Variants in POLR2B observed in about 807,000 individuals in gnomAD.
POLR2B encodes the protein DNA-directed RNA polymerase II subunit RPB2.
In POLR2B, 57 loss-of-function variants were observed where a neutral mutation model predicts 144.6. The observed-to-expected ratio is 0.39, with a 90% CI of 0.32 to 0.49. The LOEUF is 0.49. Among genes scored for constraint, POLR2B ranks in the 20% least tolerant of loss-of-function variants. The probability of loss-of-function intolerance (pLI) is 0.83; values close to 1 mark genes in which losing one functional copy is unlikely to be tolerated. For synonymous variants in POLR2B, 442 were observed against 469.8 expected (o/e 0.94, Z 0.77); for missense variants, 595 against 1,467.4 (o/e 0.41, Z 9.71).
rs1722796376 is a variant in POLR2B at position 56,999,647 on chromosome 4, A to G, written c.766A>G (p.Ile256Val). 1 of 1,612,818 alleles carries G rather than the reference A, an allele frequency of 6.2e-7. No homozygotes were observed. Among genetic ancestry groups the G allele is most frequent in the Non-Finnish European group, 8.5e-7 (1 of 1,179,134 alleles). The change falls in exon 7 of 25, where the codon ATT becomes GTT. Residue 256 changes from isoleucine (I) to valine (V), a missense_variant. Ile to Val is a conservative substitution (Grantham distance 29). Coordinates refer to ENST00000314595, the MANE Select transcript of POLR2B (RefSeq NM_000938.3). ...CAAGAAGAGTGCTATTGGTCAGCGC[A>G]TTGTGGCAACTCTACCATATATCAA... ...GAKKSAIGQR[I>V]VATLPYIKQE... is the part of the protein sequence containing the mutation.
At chr4:56,989,847 C>T (rs1390038732) in intron 2 of POLR2B, among the ~76,000 whole-genome samples, 2 of 152,156 alleles carry the variant, frequency 1.3e-5, no homozygotes, top group Non-Finnish European at 2.9e-5. Context: ...GATCCTCTTG[C>T]ACGTGTATCT....
intron 23 of POLR2B, among the ~76,000 whole-genome samples, chr4:57,027,586 C>T (rs577472047): frequency 6.6e-6 from 1 of 152,276 alleles, no homozygotes; most frequent in Admixed American, 6.5e-5. Flanking sequence ...GCTGGGATTA[C>T]AGGCATGAGC....
chr4:57,023,224 G>A lies in POLR2B; in HGVS notation c.2516-106G>A. 2.0e-6 allele frequency: 2 copies of A among 990,890 alleles called. No individual in the cohort carries two copies. Among genetic ancestry groups the A allele is most frequent in the Non-Finnish European group, 3.1e-6 (2 of 649,668 alleles). 61.4% of individuals were successfully genotyped at this position (990,890 alleles called of 1,614,324 possible). A position where few individuals can be genotyped will look rare whatever the true frequency, so the allele number is the denominator to read the frequency against. ...ATTTGGAATAAGGGTGTGATTCATG[G>A]TATAGAGACTCCTGTGGCCTTCTCT... On this transcript the variant is annotated intron_variant, in intron 18 of 24. Coordinates refer to ENST00000314595, the MANE Select transcript of POLR2B (RefSeq NM_000938.3). This position sits in a 1 kb window ranked among gnomAD's most constrained non-coding sequence, Gnocchi z 4.3.
At chr4:57,022,025 TA>T in intron 17 of POLR2B, 126 bp from the exon 18 acceptor site, 1 of 617,708 alleles carries the variant, frequency 1.6e-6, no homozygotes, top group East Asian at 2.8e-5. Context: ...TTAATGCAGT[TA>T]CTCTTGTCCC....
At chr4:57,009,303 A>G (rs28474684) in intron 10 of POLR2B, among the ~76,000 whole-genome samples, 11,396 of 152,200 alleles carry the variant, frequency 0.075, 490 homozygotes, top group African/African-American at 0.088. Flanking sequence ...TTCTGTGGCA[A>G]TAGCATGGTC....
chr4:57,008,322 C>T (rs1261095585), intron 10 of POLR2B, among the ~76,000 whole-genome samples: 1 of 151,960 alleles, frequency 6.6e-6, no homozygotes, highest in East Asian at 1.9e-4. Flanking sequence ...CCTGCCTCAG[C>T]CTCCCGAGTA....
intron 7 of POLR2B, among the ~76,000 whole-genome samples, chr4:57,004,388 C>CTT (rs1329331702): frequency 5.4e-5 from 8 of 147,454 alleles, no homozygotes; most frequent in Non-Finnish European, 1.0e-4. Context: ...AGGGTACACG[C>CTT]TGGATAAAAA....
intron 23 of POLR2B, among the ~76,000 whole-genome samples, chr4:57,026,066 G>C: frequency 6.6e-6 from 1 of 152,076 alleles, no homozygotes; most frequent in South Asian, 2.1e-4. Context: ...GCAAAACACC[G>C]TCTCTACTAA....
At chr4:56,979,235 C>G (rs894408992) in intron 1 of POLR2B, among the ~76,000 whole-genome samples, 1 of 152,132 alleles carries the variant, frequency 6.6e-6, no homozygotes, top group South Asian at 2.1e-4. Context: ...TGCACTTTCT[C>G]GTTCCGTTAG....
chr4:57,005,057 T>C (rs1022613162), intron 7 of POLR2B, among the ~76,000 whole-genome samples, 189 bp from the exon 8 acceptor site: 1 of 152,152 alleles, frequency 6.6e-6, no homozygotes, highest in Non-Finnish European at 1.5e-5. Context: ...GATGAGTGGT[T>C]TTTGTCAGAG....
At chr4:57,028,812 G>A (rs1723806150) in intron 23 of POLR2B, among the ~76,000 whole-genome samples, 1 of 152,176 alleles carries the variant, frequency 6.6e-6, no homozygotes, top group African/African-American at 2.4e-5. Flanking sequence ...TACCTCCTTA[G>A]TATTAAATAT....
chr4:56,990,230 GTTTTTT>G (rs546802762), intron 2 of POLR2B, among the ~76,000 whole-genome samples: 1 of 147,946 alleles, frequency 6.8e-6, no homozygotes, highest in African/African-American at 2.5e-5. Context: ...AGGGCATAAA[GTTTTTT>G]TTTTTCTTTG....
rs1424718661 is a variant in POLR2B, at chr4:57,025,402, G to GA, written c.3109dup (p.Ile1037AsnfsTer21). The GA allele has an allele frequency of 6.2e-7, 1 of 1,613,276 alleles. No individual in the cohort carries two copies. The highest frequency in any genetic ancestry group is 1.3e-5 in the African/African-American group (1 of 74,850). Reference sequence around the variant, plus strand: ...GTCCTGTACAATGGGTTCACTGGTCGAAAAATCACATCACAAATATTTATT... The same window carrying GA: ...GTCCTGTACAATGGGTTCACTGGTCGAAAAAATCACATCACAAATATTTATT... On this transcript the variant is annotated frameshift_variant, in exon 23 of 25. Transcript: ENST00000314595. LOFTEE classifies it high-confidence loss of function.
intron 2 of POLR2B, among the ~76,000 whole-genome samples, chr4:56,988,379 T>C (rs1722396393): frequency 6.6e-6 from 1 of 151,900 alleles, no homozygotes; most frequent in African/African-American, 2.4e-5. Flanking sequence ...TGACAAAAAG[T>C]CTTGGCGAGG....
chr4:57,025,667 T>G, intron 23 of POLR2B, 130 bp downstream of exon 23: 1 of 602,890 alleles, frequency 1.7e-6, no homozygotes, highest in Non-Finnish European at 3.0e-6. Context: ...AATTATCGAC[T>G]GATGGCCAGT....
At chr4:57,029,090 T>G (rs553114008) in intron 23 of POLR2B, among the ~76,000 whole-genome samples, 12 of 152,338 alleles carry the variant, frequency 7.9e-5, no homozygotes, top group African/African-American at 2.6e-4. Flanking sequence ...TTGTTTGTTT[T>G]TTGTTTTTTG....
chr4:57,010,984 TG>T lies in POLR2B; in HGVS notation c.1689-4del. On this transcript the variant is annotated splice_region_variant and splice_polypyrimidine_tract_variant and intron_variant, in intron 12 of 24. Coordinates refer to ENST00000314595, the MANE Select transcript of POLR2B (RefSeq NM_000938.3). ...GTGTAAAATGCTTTTGCTTTTTCAT[TG>T]TAGTGCAACCAAGATTTTTGTTAAT... is the stretch of plus-strand genomic sequence containing the variant. 1 of 1,612,324 alleles carries T rather than the reference TG, an allele frequency of 6.2e-7. No individual in the cohort carries two copies. Among genetic ancestry groups the T allele is most frequent in the Non-Finnish European group, 8.5e-7 (1 of 1,178,292 alleles).
intron 1 of POLR2B, 197 bp from the exon 2 acceptor site, chr4:56,986,155 CTT>C (rs1468943155): frequency 3.5e-6 from 2 of 577,498 alleles, no homozygotes; most frequent in Non-Finnish European, 6.2e-6. Context: ...TAATAAACCT[CTT>C]TTTATATTGG....
chr4:56,994,037 T>C (rs927207994), intron 3 of POLR2B, among the ~76,000 whole-genome samples: 3 of 152,206 alleles, frequency 2.0e-5, no homozygotes, highest in African/African-American at 7.2e-5. Context: ...GTATATTAAG[T>C]CTCTTTTTGT....
Sources: allele counts gnomAD v4.1 joint callset (sites outside exome capture counted in the v4.1 genomes callset), GRCh38; gene constraint gnomAD v4.1.1; non-coding constraint Gnocchi (gnomAD v3.1); transcripts MANE v1.5; gene names NCBI Gene and HGNC (gene_info 2026-07-23, HGNC 2026-07-21).